The following ERI3 variants were observed in gnomAD, a reference collection of about 807,000 sequenced individuals.
ERI3 encodes the protein ERI1 exoribonuclease 3.
A neutral mutation model predicts 44.4 loss-of-function variants in ERI3; 18 were observed. The observed-to-expected ratio is 0.41, with a 90% CI of 0.28 to 0.60. The LOEUF (loss-of-function observed/expected upper bound fraction) is 0.60, where lower values mean the gene tolerates loss of function less well. Among genes scored for constraint, ERI3 ranks in the 20% least tolerant of loss-of-function variants. The pLI is 0.36. For synonymous variants in ERI3, 183 were observed against 164.8 expected (o/e 1.11, Z -0.84); for missense variants, 294 against 435.5 (o/e 0.68, Z 2.89).
At chr1:44,255,158 T>C (rs1052597071) in intron 7 of ERI3, among the ~76,000 whole-genome samples, 1 of 152,206 alleles carries the variant, frequency 6.6e-6, no homozygotes, top group African/African-American at 2.4e-5. Context: ...TAAAGTTCTA[T>C]ATGCATTTCA....
intron 5 of ERI3, among the ~76,000 whole-genome samples, chr1:44,310,975 A>AGTG (rs1557841158): frequency 3.7e-5 from 4 of 108,996 alleles, no homozygotes; most frequent in Non-Finnish European, 6.3e-5. Flanking sequence ...ACACACACAC[A>AGTG]CACACACACA....
intron 6 of ERI3, among the ~76,000 whole-genome samples, chr1:44,290,982 C>T (rs1365177618): frequency 1.3e-5 from 2 of 152,138 alleles, no homozygotes; most frequent in African/African-American, 2.4e-5. Context: ...GAGGCTGGGA[C>T]GTTAGTTATC....
At chr1:44,316,018 C>T (rs1646080613) in intron 4 of ERI3, among the ~76,000 whole-genome samples, 1 of 149,678 alleles carries the variant, frequency 6.7e-6, no homozygotes. Context: ...ATTAGTTCCT[C>T]TACCTGATAC....
At chr1:44,238,972 G>A (rs564867313) in intron 8 of ERI3, among the ~76,000 whole-genome samples, 3 of 152,016 alleles carry the variant, frequency 2.0e-5, no homozygotes, top group South Asian at 4.2e-4. Context: ...ACTAATTACG[G>A]AAGAAATGAG....
chr1:44,322,661 A>G, intron 3 of ERI3: 1 of 1,487,030 alleles, frequency 6.7e-7, no homozygotes, highest in African/African-American at 1.4e-5. Flanking sequence ...GCAAAAGAGA[A>G]GCTTCTGAGA....
At chr1:44,248,831 G>A (rs1308897353) in intron 7 of ERI3, among the ~76,000 whole-genome samples, 4 of 152,004 alleles carry the variant, frequency 2.6e-5, no homozygotes, top group Non-Finnish European at 5.9e-5. Flanking sequence ...GGTTGGGGAA[G>A]GAAGTGCTGG....
chr1:44,259,689 G>GACACACACACACACACAC (rs58901342), intron 7 of ERI3, among the ~76,000 whole-genome samples: 2,758 of 140,312 alleles, frequency 0.02, 92 homozygotes, highest in African/African-American at 0.04. Context: ...AAAACACACA[G>GACACACACACACACACAC]ACACACACAC....
At chr1:44,279,832 T>C (rs1191106829) in intron 7 of ERI3, among the ~76,000 whole-genome samples, 1 of 152,208 alleles carries the variant, frequency 6.6e-6, no homozygotes, top group Non-Finnish European at 1.5e-5. Context: ...AAAAGCAAAT[T>C]TGTCCAATGC....
intron 8 of ERI3, among the ~76,000 whole-genome samples, chr1:44,230,041 A>G (rs1644141126): frequency 6.6e-6 from 1 of 152,144 alleles, no homozygotes; most frequent in Non-Finnish European, 1.5e-5. Flanking sequence ...ATCTTATTAC[A>G]CGCCTTGTTA....
intron 2 of ERI3, among the ~76,000 whole-genome samples, chr1:44,342,561 C>A (rs1238211010): frequency 1.3e-5 from 2 of 151,546 alleles, no homozygotes; most frequent in African/African-American, 2.4e-5. Flanking sequence ...AATATACACA[C>A]ATATGCATAT....
At chr1:44,222,921 C>T (rs1643937681) in intron 8 of ERI3, among the ~76,000 whole-genome samples, 1 of 152,194 alleles carries the variant, frequency 6.6e-6, no homozygotes, top group African/African-American at 2.4e-5. Flanking sequence ...TTGCCAGGAC[C>T]TTAGTCTAGG....
intron 1 of ERI3, 32 bp downstream of exon 1, chr1:44,354,860 C>G: frequency 7.6e-7 from 1 of 1,314,816 alleles, no homozygotes; most frequent in Non-Finnish European, 9.8e-7. Context: ...AACCAGGGCC[C>G]AATCTTGGCG....
intron 6 of ERI3, among the ~76,000 whole-genome samples, chr1:44,285,311 T>C (rs910709275): frequency 6.6e-6 from 1 of 152,336 alleles, no homozygotes; most frequent in East Asian, 1.9e-4. Context: ...TAAAACATGA[T>C]AGTGCCAAGA....
At chr1:44,312,966 G>A (rs957064029) in intron 5 of ERI3, among the ~76,000 whole-genome samples, 2 of 152,224 alleles carry the variant, frequency 1.3e-5, no homozygotes, top group Non-Finnish European at 2.9e-5. Flanking sequence ...GGGACATCTT[G>A]TCAGAAACCC....
chr1:44,355,017 C>G lies in ERI3; in HGVS notation c.10G>C (p.Ala4Pro). ...CGCCCCCCGTCAGCAGCGGGAGAGG[C>G]TGTCGCCATGGCAACGCCCCCTCCT... MAT[A>P]SPAADGGRGR... The change falls in exon 1 of 9, where the codon GCC becomes CCC. Residue 4 changes from alanine (A) to proline (P), a missense_variant. By Grantham distance (27) the Ala-to-Pro change is conservative. Transcript: ENST00000372257. 6.5e-6 allele frequency: 9 copies of G among 1,390,456 alleles called. No individual in the cohort carries two copies. Among genetic ancestry groups the G allele is most frequent in the Non-Finnish European group, 8.4e-6 (9 of 1,067,928 alleles). The allele number at this position is 1,390,456 out of a possible 1,614,324, so 86.1% of individuals were successfully genotyped here.
At chr1:44,310,783 C>T (rs895999171) in intron 5 of ERI3, among the ~76,000 whole-genome samples, 1 of 152,056 alleles carries the variant, frequency 6.6e-6, no homozygotes, top group African/African-American at 2.4e-5. Context: ...ATCAGAGCTG[C>T]TCCCCGGTGC....
At chr1:44,276,496 A>G (rs2154322232) in intron 7 of ERI3, among the ~76,000 whole-genome samples, 1 of 152,156 alleles carries the variant, frequency 6.6e-6, no homozygotes, top group East Asian at 1.9e-4. Context: ...TTGATTCCTT[A>G]TTCATAATAA....
chr1:44,242,810 G>T (rs1644468156), intron 8 of ERI3, among the ~76,000 whole-genome samples: 1 of 152,172 alleles, frequency 6.6e-6, no homozygotes, highest in South Asian at 2.1e-4. Flanking sequence ...TCTTCAGAGG[G>T]ACCCGGGAAA....
At chr1:44,307,007 CTT>C (rs1645850831) in intron 6 of ERI3, among the ~76,000 whole-genome samples, 1 of 152,208 alleles carries the variant, frequency 6.6e-6, no homozygotes, top group Non-Finnish European at 1.5e-5. Flanking sequence ...TCCTCTACTC[CTT>C]TTCCATGGAC....
Sources: gnomAD v4.1 joint callset for allele counts (sites outside exome capture counted in the v4.1 genomes callset) on GRCh38, gnomAD v4.1.1 for gene constraint, MANE v1.5 for transcripts, NCBI Gene and HGNC (gene_info 2026-07-23, HGNC 2026-07-21) for gene names.